The following CUL2 variants were observed in gnomAD, a reference collection of about 807,000 sequenced individuals.
CUL2 encodes cullin 2.
Under a neutral mutation model 110.2 loss-of-function variants are expected in CUL2, and 22 were observed. The ratio of observed to expected loss-of-function variants is 0.20; its 90% CI spans 0.14 to 0.28. The LOEUF is 0.28. Ranked by LOEUF, CUL2 falls within the 10% of genes least tolerant of loss-of-function variation. The pLI, the probability that CUL2 is intolerant of heterozygous loss-of-function variation, is 1.00. For synonymous variants in CUL2, 279 were observed against 293.2 expected (o/e 0.95, Z 0.49); for missense variants, 631 against 905.5 (o/e 0.70, Z 3.89).
intron 6 of CUL2, among the ~76,000 whole-genome samples, chr10:35,046,735 T>C (rs950832806): frequency 6.6e-6 from 1 of 151,836 alleles, no homozygotes; most frequent in Non-Finnish European, 1.5e-5. Flanking sequence ...CTACTAAAAA[T>C]ACAAAAATTA....
intron 14 of CUL2, among the ~76,000 whole-genome samples, chr10:35,030,896 T>G (rs1457923901): frequency 6.6e-6 from 1 of 152,126 alleles, no homozygotes; most frequent in African/African-American, 2.4e-5. Flanking sequence ...GAATGCATAT[T>G]ATATTCAAAA....
At chr10:35,033,114 AGAAT>A (rs1400488527) in intron 11 of CUL2, 48 bp downstream of exon 11, 16 of 1,104,364 alleles carry the variant, frequency 1.4e-5, no homozygotes, top group Non-Finnish European at 2.1e-5. Context: ...AACTGCCTAA[AGAAT>A]GATAGAGTTT....
intron 4 of CUL2, among the ~76,000 whole-genome samples, chr10:35,058,308 C>A (rs1387500280): frequency 1.3e-5 from 2 of 152,184 alleles, no homozygotes; most frequent in East Asian, 1.9e-4. Context: ...ATAACTCTTA[C>A]AAGTTTGTGT....
Position 35,028,890 on chromosome 10 carries a change from A to C in CUL2, c.1540-3T>G. 1 of 1,581,956 alleles carries C rather than the reference A, an allele frequency of 6.3e-7. No homozygotes were observed. Among genetic ancestry groups the C allele is most frequent in the South Asian group, 1.2e-5 (1 of 86,538 alleles). On this transcript the variant is annotated splice_region_variant and splice_polypyrimidine_tract_variant and intron_variant, in intron 15 of 20. Coordinates refer to ENST00000374749, the MANE Select transcript of CUL2 (RefSeq NM_003591.4). ...TGAGTAAGAGGCCACGCACCAGCCT[A>C]GAAGGAAAAAAATAAAATAAAATAA...
intron 1 of CUL2, chr10:35,079,803 A>C (rs991825610): frequency 2.6e-5 from 4 of 154,816 alleles, no homozygotes; most frequent in Admixed American, 6.5e-5. Flanking sequence ...TATTGCTAGG[A>C]TCACTACTCC....
intron 2 of CUL2, among the ~76,000 whole-genome samples, chr10:35,069,292 A>C (rs867147374): frequency 6.6e-6 from 1 of 152,128 alleles, no homozygotes. Flanking sequence ...TAATCCTAGC[A>C]CTTTGGGAGG....
intron 1 of CUL2, among the ~76,000 whole-genome samples, chr10:35,109,609 G>A (rs2087503663): frequency 6.6e-6 from 1 of 152,250 alleles, no homozygotes; most frequent in South Asian, 2.1e-4. Context: ...ACACGGCAAG[G>A]AGAGGCCAGC....
intron 1 of CUL2, among the ~76,000 whole-genome samples, chr10:35,103,327 TTTTTTA>T (rs1296861904): frequency 0.013 from 1,617 of 121,172 alleles, 56 homozygotes; most frequent in South Asian, 0.089. Context: ...TTTTTTTTTT[TTTTTTA>T]TTTTTTTTTG....
At chr10:35,100,116 A>G (rs990961259) in intron 2 of CUL2, among the ~76,000 whole-genome samples, 4 of 151,854 alleles carry the variant, frequency 2.6e-5, no homozygotes, top group African/African-American at 9.7e-5. Context: ...TTGTACAGTC[A>G]TTTAATATTT....
chr10:35,055,812 C>G (rs895859688), intron 4 of CUL2, among the ~76,000 whole-genome samples: 15 of 152,112 alleles, frequency 9.9e-5, no homozygotes, highest in Non-Finnish European at 1.5e-4. Context: ...AAATTTCATG[C>G]TGAGTTTCCA....
chr10:35,084,980 G>A (rs947793836), intron 1 of CUL2, among the ~76,000 whole-genome samples: 4 of 151,524 alleles, frequency 2.6e-5, no homozygotes, highest in Non-Finnish European at 5.9e-5. Context: ...ATTAGCTGGG[G>A]GTGGTGGTGG....
At chr10:35,036,106 T>C (rs1259887651) in intron 9 of CUL2, among the ~76,000 whole-genome samples, 1 of 152,184 alleles carries the variant, frequency 6.6e-6, no homozygotes, top group Non-Finnish European at 1.5e-5. Flanking sequence ...CCTTCATGCC[T>C]CCTTCCAATC....
At chr10:35,076,205 T>C (rs944558765) in intron 1 of CUL2, among the ~76,000 whole-genome samples, 6 of 152,198 alleles carry the variant, frequency 3.9e-5, no homozygotes, top group East Asian at 1.9e-4. Context: ...TCTATTTATA[T>C]AGATTATCAA....
At chr10:35,057,477 C>A (rs536027717) in intron 4 of CUL2, among the ~76,000 whole-genome samples, 1 of 151,308 alleles carries the variant, frequency 6.6e-6, no homozygotes, top group East Asian at 2.0e-4. Flanking sequence ...ATGGTGAAAC[C>A]CCGTCTCTAC....
At chr10:35,036,735 T>C (rs1469837790) in intron 9 of CUL2, among the ~76,000 whole-genome samples, 2 of 152,070 alleles carry the variant, frequency 1.3e-5, no homozygotes, top group Admixed American at 6.6e-5. Flanking sequence ...GATCCAGTGG[T>C]TTTAATGGCT....
chr10:35,013,572 C>A, intron 19 of CUL2, 127 bp downstream of exon 19: 1 of 593,166 alleles, frequency 1.7e-6, no homozygotes. Flanking sequence ...AACAACAAAC[C>A]AGAAAAGACA....
At chr10:35,105,241 C>A (rs1174627581) in intron 1 of CUL2, among the ~76,000 whole-genome samples, 1 of 150,616 alleles carries the variant, frequency 6.6e-6, no homozygotes, top group Admixed American at 6.6e-5. Context: ...CTGGTTAACA[C>A]CGTGAAACCC....
chr10:35,043,290 C>T (rs1018913999), intron 8 of CUL2, among the ~76,000 whole-genome samples: 1 of 151,526 alleles, frequency 6.6e-6, no homozygotes, highest in Non-Finnish European at 1.5e-5. Flanking sequence ...GGGGCTGGAT[C>T]TAGAGGCTTC....
At chr10:35,113,437 G>A (rs952992579) in intron 1 of CUL2, among the ~76,000 whole-genome samples, 1 of 131,546 alleles carries the variant, frequency 7.6e-6, no homozygotes, top group African/African-American at 2.8e-5. Flanking sequence ...GGTGGAGGTT[G>A]CAGTGAGCCG....
Sources: allele counts gnomAD v4.1 joint callset (sites outside exome capture counted in the v4.1 genomes callset), GRCh38; gene constraint gnomAD v4.1.1; transcripts MANE v1.5; gene names NCBI Gene and HGNC (gene_info 2026-07-23, HGNC 2026-07-21).